Variants in SNTG1 observed in about 807,000 individuals in gnomAD.
SNTG1 encodes the protein syntrophin gamma 1.
In SNTG1, 39 loss-of-function variants were observed where a neutral mutation model predicts 74.7. The ratio of observed to expected loss-of-function variants is 0.52; its 90% CI spans 0.40 to 0.68. The LOEUF (loss-of-function observed/expected upper bound fraction) is 0.68. SNTG1 is among the 30% of genes least tolerant of loss of function. The probability of loss-of-function intolerance (pLI) is 0.00; values close to 1 mark genes in which losing one functional copy is unlikely to be tolerated. For missense variants in SNTG1, 685 were observed against 609.5 expected (o/e 1.12, Z -1.30); for synonymous variants, 254 against 217.1 (o/e 1.17, Z -1.49).
At chr8:50,202,775 C>T (rs2084037216) in intron 2 of SNTG1, among the ~76,000 whole-genome samples, 1 of 149,182 alleles carries the variant, frequency 6.7e-6, no homozygotes, top group Admixed American at 6.6e-5. Flanking sequence ...TGGCTTCTTT[C>T]AAGACTTTCT....
At chr8:50,171,124 T>G (rs932475585) in intron 1 of SNTG1, among the ~76,000 whole-genome samples, 4 of 152,126 alleles carry the variant, frequency 2.6e-5, no homozygotes, top group African/African-American at 9.7e-5. Context: ...ACAAGTCCAG[T>G]CCACAGCCAA....
chr8:50,041,383 AAATT>A (rs1003931877), intron 1 of SNTG1, among the ~76,000 whole-genome samples: 9 of 152,184 alleles, frequency 5.9e-5, no homozygotes, highest in African/African-American at 2.2e-4. Flanking sequence ...CATATTTAAT[AAATT>A]AACTAAAATA....
intron 1 of SNTG1, among the ~76,000 whole-genome samples, chr8:50,114,494 A>C (rs1334958674): frequency 6.6e-6 from 1 of 152,184 alleles, no homozygotes; most frequent in Admixed American, 6.6e-5. Flanking sequence ...TAGAAGCAGC[A>C]TGTCAGAAGG....
At chr8:50,029,279 C>G (rs540887381) in intron 1 of SNTG1, among the ~76,000 whole-genome samples, 1 of 152,116 alleles carries the variant, frequency 6.6e-6, no homozygotes, top group Non-Finnish European at 1.5e-5. Flanking sequence ...GTGTAATAAT[C>G]TCAATGGGTA....
intron 1 of SNTG1, among the ~76,000 whole-genome samples, chr8:49,981,881 A>T (rs1395596735): frequency 6.6e-6 from 1 of 152,152 alleles, no homozygotes; most frequent in Admixed American, 6.5e-5. Flanking sequence ...GTAGTGAAAT[A>T]AAAAATATTT....
At chr8:50,335,962 G>A (rs2091129088) in intron 2 of SNTG1, among the ~76,000 whole-genome samples, 1 of 151,842 alleles carries the variant, frequency 6.6e-6, no homozygotes, top group Non-Finnish European at 1.5e-5. Context: ...CAAAATTCCA[G>A]TGCCTTAAAA....
rs573333527 is a variant in SNTG1, at chr8:50,265,247, T to A, written c.-28+92612T>A. Among the ~76,000 whole-genome samples, 3 of 152,018 alleles carry A rather than the reference T, an allele frequency of 2.0e-5. No homozygotes were observed. The South Asian group carries it at 6.2e-4, about 32-fold the overall frequency. Reference sequence around the variant, plus strand: ...ATATTTGCAAAACAGCACCAGAAAATCAATCCCAGCAACACATAGCATTAT... The same window carrying A: ...ATATTTGCAAAACAGCACCAGAAAAACAATCCCAGCAACACATAGCATTAT... On this transcript the variant is annotated intron_variant, in intron 2 of 18. Transcript: ENST00000642720.
intron 13 of SNTG1, among the ~76,000 whole-genome samples, chr8:50,601,436 A>G (rs932146837): frequency 3.3e-5 from 5 of 152,078 alleles, no homozygotes; most frequent in African/African-American, 7.2e-5. Flanking sequence ...GGCTTCTAAA[A>G]TTCCTCTTGT....
In SNTG1 at chr8:50,507,549, T is replaced by C. The variant is rs537053183; in HGVS notation, c.466+4669T>C. Among the ~76,000 whole-genome samples, 4 of 152,276 alleles carry C rather than the reference T, an allele frequency of 2.6e-5. No homozygotes were observed. The East Asian group carries it at 7.7e-4, about 29-fold the overall frequency. On this transcript the variant is annotated intron_variant, in intron 9 of 18. Transcript: ENST00000642720. ...TTTTTTGTTTCTTCATAATTGATTG[T>C]TGGTATGTCACATATTTCTAGAAGG...
intron 1 of SNTG1, among the ~76,000 whole-genome samples, chr8:50,167,071 A>G (rs1441058744): frequency 2.2e-5 from 3 of 133,378 alleles, no homozygotes; most frequent in East Asian, 2.2e-4. Flanking sequence ...GAATTGAACA[A>G]TGCGATCACA....
chr8:49,957,096 G>T (rs1364528279), intron 1 of SNTG1, among the ~76,000 whole-genome samples: 6 of 152,146 alleles, frequency 3.9e-5, no homozygotes, highest in African/African-American at 1.4e-4. Context: ...ATGCTAAAAA[G>T]CTCTAACAAA....
chr8:50,249,445 A>G (rs1249621866), intron 2 of SNTG1, among the ~76,000 whole-genome samples: 1 of 152,194 alleles, frequency 6.6e-6, no homozygotes, highest in Non-Finnish European at 1.5e-5. Context: ...CTGGACTCAC[A>G]TGTACCTGCC....
At chr8:50,501,415 G>A (rs1050106287) in intron 8 of SNTG1, among the ~76,000 whole-genome samples, 1 of 138,374 alleles carries the variant, frequency 7.2e-6, no homozygotes, top group African/African-American at 2.7e-5. Flanking sequence ...AGAGAGAGAT[G>A]AGCCTGTGCG....
At chr8:50,745,084 C>T (rs1428068764) in intron 17 of SNTG1, among the ~76,000 whole-genome samples, 1 of 151,908 alleles carries the variant, frequency 6.6e-6, no homozygotes. Flanking sequence ...TTTTGTACAT[C>T]AAAGGGTACT....
intron 2 of SNTG1, among the ~76,000 whole-genome samples, chr8:50,195,253 T>C (rs2083721258): frequency 1.3e-5 from 2 of 151,720 alleles, no homozygotes; most frequent in Non-Finnish European, 2.9e-5. Flanking sequence ...CTCACACAGC[T>C]CCCATGCAAA....
chr8:50,141,340 T>G (rs965787276), intron 1 of SNTG1, among the ~76,000 whole-genome samples: 5 of 152,172 alleles, frequency 3.3e-5, no homozygotes, highest in Non-Finnish European at 5.9e-5. Context: ...TTGCCAACCC[T>G]TAGTCTGCAT....
chr8:50,337,321 A>G (rs1194360552), intron 2 of SNTG1, among the ~76,000 whole-genome samples: 1 of 152,182 alleles, frequency 6.6e-6, no homozygotes, highest in Non-Finnish European at 1.5e-5. Context: ...AACTTAAACT[A>G]TAACTGATGA....
At chr8:50,691,069 A>G (rs1388175046) in intron 15 of SNTG1, among the ~76,000 whole-genome samples, 4 of 151,954 alleles carry the variant, frequency 2.6e-5, no homozygotes, top group African/African-American at 2.4e-5. Context: ...TAGGATTGCA[A>G]CCCCTGCCTT....
At chr8:50,264,955 C>T (rs1158216696) in intron 2 of SNTG1, among the ~76,000 whole-genome samples, 1 of 151,850 alleles carries the variant, frequency 6.6e-6, no homozygotes, top group African/African-American at 2.4e-5. Context: ...CTAGAATAGA[C>T]CTATAAATAA....
Sources: allele counts gnomAD v4.1 joint callset (sites outside exome capture counted in the v4.1 genomes callset), GRCh38; gene constraint gnomAD v4.1.1; transcripts MANE v1.5; gene names NCBI Gene and HGNC (gene_info 2026-07-23, HGNC 2026-07-21).